MYO5B: variants seen among roughly 807,000 people sequenced by gnomAD.
The protein encoded by MYO5B is unconventional myosin-Vb.
A neutral mutation model predicts 229.3 loss-of-function variants in MYO5B; 143 were observed. The observed-to-expected ratio is 0.62, with a 90% CI of 0.54 to 0.72. The LOEUF (loss-of-function observed/expected upper bound fraction) is 0.72. Ranked by LOEUF, MYO5B falls within the 30% of genes least tolerant of loss-of-function variation. The pLI, the probability that MYO5B is intolerant of heterozygous loss-of-function variation, is 0.00. For missense variants in MYO5B, 2,321 were observed against 2,331.0 expected, an observed-to-expected ratio of 1.00 and a Z score of 0.09; for synonymous variants, 918 against 885.2, an observed-to-expected ratio of 1.04 and a Z score of -0.66.
intron 5 of MYO5B, among the ~76,000 whole-genome samples, chr18:49,993,165 AAAG>A (rs1427028284): frequency 6.6e-6 from 1 of 152,158 alleles, no homozygotes; most frequent in African/African-American, 2.4e-5. Context: ...ATGCATTGGT[AAAG>A]AATACATTAA....
intron 1 of MYO5B, among the ~76,000 whole-genome samples, chr18:50,097,783 G>A (rs989224745): frequency 6.6e-6 from 1 of 152,206 alleles, no homozygotes; most frequent in Admixed American, 6.5e-5. Context: ...AACCCTGACT[G>A]CCCATGAAGC....
At chr18:49,958,259 C>T (rs1568047513) in intron 12 of MYO5B, among the ~76,000 whole-genome samples, 1 of 152,168 alleles carries the variant, frequency 6.6e-6, no homozygotes. Context: ...AGACACTGTT[C>T]CTAGATCTAT....
chr18:49,846,365 G>A (rs2024126747), intron 33 of MYO5B, among the ~76,000 whole-genome samples: 1 of 152,186 alleles, frequency 6.6e-6, no homozygotes, highest in South Asian at 2.1e-4. Context: ...TGATGCTGAT[G>A]CTGCTGGTCC....
intron 17 of MYO5B, among the ~76,000 whole-genome samples, chr18:49,924,553 G>A (rs1320971621): frequency 6.6e-6 from 1 of 152,230 alleles, no homozygotes; most frequent in Non-Finnish European, 1.5e-5. Context: ...CCACAAGCTG[G>A]AAAGAGGAGG....
intron 1 of MYO5B, among the ~76,000 whole-genome samples, chr18:50,115,541 C>G (rs868650466): frequency 7.6e-5 from 5 of 65,440 alleles, no homozygotes; most frequent in African/African-American, 2.3e-4. Context: ...CACACACACA[C>G]AGAGAGACAC....
At chr18:49,884,578 C>T (rs1258436801) in intron 22 of MYO5B, among the ~76,000 whole-genome samples, 1 of 151,954 alleles carries the variant, frequency 6.6e-6, no homozygotes, top group Non-Finnish European at 1.5e-5. Context: ...GAATCTAATG[C>T]CACTGCTGAT....
chr18:49,931,685 C>T (rs1029849390), intron 16 of MYO5B, among the ~76,000 whole-genome samples: 20 of 152,154 alleles, frequency 1.3e-4, no homozygotes, highest in Non-Finnish European at 2.4e-4. Context: ...TTACCAGGGG[C>T]GGCAATGACC....
At chr18:49,833,042 T>C (rs564149491) in intron 39 of MYO5B, among the ~76,000 whole-genome samples, 1 of 152,316 alleles carries the variant, frequency 6.6e-6, no homozygotes, top group African/African-American at 2.4e-5. Context: ...AGGGCCCTTG[T>C]ATTTCTCCAC....
chr18:49,954,525 C>T, intron 12 of MYO5B, 90 bp from the exon 13 acceptor site: 1 of 1,547,364 alleles, frequency 6.5e-7, no homozygotes, highest in South Asian at 1.1e-5. Flanking sequence ...AGTAGGCTGG[C>T]TCTGTGAAGG....
At chr18:49,994,380 G>A (rs1156658948) in intron 5 of MYO5B, among the ~76,000 whole-genome samples, 1 of 152,214 alleles carries the variant, frequency 6.6e-6, no homozygotes, top group Non-Finnish European at 1.5e-5. Context: ...TGGACTCCTT[G>A]TCCTCATACG....
rs576757977 is a variant in MYO5B, at chr18:49,975,718, T to C, written c.1057-1103A>G. Among the ~76,000 whole-genome samples, 8 of 152,250 alleles carry C rather than the reference T, an allele frequency of 5.3e-5. No individual in the cohort carries two copies. The East Asian group carries it at 1.5e-3, about 29-fold the overall frequency. ...AACTGGAATTCCTCCAGTTTAGGCC[T>C]CTTTTCCTACAGGCAAAAAGCTGAG... On this transcript the variant is annotated intron_variant, in intron 9 of 39. Coordinates refer to ENST00000285039, the MANE Select transcript of MYO5B (RefSeq NM_001080467.3).
chr18:50,017,991 G>A (rs925671105), intron 4 of MYO5B, among the ~76,000 whole-genome samples: 8 of 152,152 alleles, frequency 5.3e-5, no homozygotes, highest in African/African-American at 1.9e-4. Context: ...AGTTGTTTCT[G>A]TTTCTTGCAT....
At chr18:50,020,182 C>T (rs2026259269) in intron 4 of MYO5B, among the ~76,000 whole-genome samples, 1 of 152,216 alleles carries the variant, frequency 6.6e-6, no homozygotes, top group South Asian at 2.1e-4. Flanking sequence ...ATTGCAGGCT[C>T]AGGTTCATAC....
chr18:50,084,014 T>C (rs1387945228), intron 1 of MYO5B, among the ~76,000 whole-genome samples: 1 of 152,188 alleles, frequency 6.6e-6, no homozygotes, highest in East Asian at 1.9e-4. Flanking sequence ...AGTCATATCA[T>C]CTCCCTGTGC....
At chr18:49,967,132 C>T (rs560215243) in intron 10 of MYO5B, among the ~76,000 whole-genome samples, 110 of 152,160 alleles carry the variant, frequency 7.2e-4, no homozygotes, top group South Asian at 3.5e-3. Context: ...GAGTAAGAAT[C>T]GATGCTGAAA....
chr18:49,832,524 G>A (rs2023935750), intron 39 of MYO5B, among the ~76,000 whole-genome samples: 1 of 152,152 alleles, frequency 6.6e-6, no homozygotes, highest in Non-Finnish European at 1.5e-5. Context: ...CCTCGAAACA[G>A]GCCATAGTCA....
intron 2 of MYO5B, among the ~76,000 whole-genome samples, 183 bp from the exon 3 acceptor site, chr18:50,040,497 A>G (rs779994495): frequency 2.0e-5 from 3 of 152,242 alleles, no homozygotes; most frequent in Non-Finnish European, 4.4e-5. Context: ...GTCCAGATGG[A>G]AAATTTGCTG....
chr18:50,154,442 C>T (rs139593960), intron 1 of MYO5B, among the ~76,000 whole-genome samples: 12 of 152,182 alleles, frequency 7.9e-5, no homozygotes, highest in South Asian at 4.2e-4. Context: ...TTGATTGGTA[C>T]GGGATTTGTC....
chr18:50,192,604 C>A (rs898477920), intron 1 of MYO5B, among the ~76,000 whole-genome samples: 1 of 152,162 alleles, frequency 6.6e-6, no homozygotes, highest in South Asian at 2.1e-4. Context: ...TCCTTTTCTG[C>A]CACAACAATG....
Sources: gnomAD v4.1 joint callset for allele counts (sites outside exome capture counted in the v4.1 genomes callset) on GRCh38, gnomAD v4.1.1 for gene constraint, MANE v1.5 for transcripts, NCBI Gene and HGNC (gene_info 2026-07-23, HGNC 2026-07-21) for gene names.